The following RNF17 variants were observed in gnomAD, a reference collection of about 807,000 sequenced individuals.
The protein encoded by RNF17 is spermatogenesis associated 23.
A neutral mutation model predicts 200.5 loss-of-function variants in RNF17; 31 were observed. The observed-to-expected ratio is 0.15, with a 90% confidence interval of 0.12 to 0.21. The LOEUF is 0.21. Ranked by LOEUF, RNF17 falls within the 10% of genes least tolerant of loss-of-function variation. RNF17 has a pLI of 1.00. For synonymous variants in RNF17, 606 were observed against 637.8 expected (o/e 0.95, Z 0.75); for missense variants, 1,628 against 1,905.1 (o/e 0.85, Z 2.71).
At chr13:24,790,153 A>T (rs1344677740) in intron 9 of RNF17, among the ~76,000 whole-genome samples, 1 of 152,170 alleles carries the variant, frequency 6.6e-6, no homozygotes, top group Non-Finnish European at 1.5e-5. Context: ...CAAGGGAATG[A>T]TCAGTTCTTA....
At chr13:24,861,010 C>T (rs1018155923) in intron 26 of RNF17, among the ~76,000 whole-genome samples, 6 of 151,832 alleles carry the variant, frequency 4.0e-5, no homozygotes, top group Admixed American at 3.9e-4. Context: ...CCTGAGTAGC[C>T]GGGACTACAG....
chr13:24,759,034 C>T, the RNF17 span, among the ~76,000 whole-genome samples: 3 of 134,442 alleles, frequency 2.2e-5, no homozygotes, highest in Admixed American at 9.0e-5. Flanking sequence ...GAACTGAGAT[C>T]GTGCCACTGC....
chr13:24,831,824 T>A (rs533992770), intron 17 of RNF17, 34 bp from the exon 18 acceptor site: 2 of 1,574,620 alleles, frequency 1.3e-6, no homozygotes, highest in South Asian at 2.4e-5. Flanking sequence ...GAAATTAAAT[T>A]TTTTTCTTAA....
intron 15 of RNF17, among the ~76,000 whole-genome samples, chr13:24,807,516 T>G (rs1182962831): frequency 1.3e-5 from 2 of 152,208 alleles, no homozygotes; most frequent in Admixed American, 6.6e-5. Context: ...TGTAAATTTG[T>G]TTGAGTTCAT....
rs772685904 is a variant in RNF17 at position 24,764,180 on chromosome 13, T to C, written c.-24T>C. 1 of 1,567,860 alleles carries C rather than the reference T, an allele frequency of 6.4e-7. No individual in the cohort carries two copies. The highest frequency in any genetic ancestry group is 8.7e-7 in the Non-Finnish European group (1 of 1,146,536). ...GGCCGCCGGGACTCGCACTCGGCGG[T>C]TGTTCCAGAAGAAAGAGACAGCGAT... On this transcript the variant is annotated 5_prime_UTR_variant, in exon 1 of 36. Coordinates refer to ENST00000255324, the MANE Select transcript of RNF17 (RefSeq NM_031277.3).
intron 19 of RNF17, 135 bp from the exon 20 acceptor site, chr13:24,843,609 T>C: frequency 1.5e-6 from 1 of 651,684 alleles, no homozygotes; most frequent in Non-Finnish European, 2.7e-6. Flanking sequence ...AAAAGTCACC[T>C]GTTTTAGGTC....
chr13:24,879,107 C>G, intron 34 of RNF17, 80 bp from the exon 35 acceptor site: 1 of 1,012,512 alleles, frequency 9.9e-7, no homozygotes, highest in Non-Finnish European at 1.5e-6. Context: ...TTTTCACACC[C>G]GTGTGAATGG....
At chr13:24,825,538 A>G (rs1888536022) in intron 15 of RNF17, 81 bp from the exon 16 acceptor site, 1 of 883,770 alleles carries the variant, frequency 1.1e-6, no homozygotes, top group African/African-American at 1.7e-5. Flanking sequence ...TCATAATTTC[A>G]ATGACAGTGC....
intron 15 of RNF17, among the ~76,000 whole-genome samples, chr13:24,822,220 T>C (rs898311444): frequency 1.3e-5 from 2 of 152,118 alleles, no homozygotes; most frequent in Non-Finnish European, 2.9e-5. Context: ...ACTGTACATG[T>C]GGCTGGCAAG....
chr13:24,885,410 C>G, the RNF17 span: 69 of 1,502,578 alleles, frequency 4.6e-5, no homozygotes, highest in South Asian at 7.6e-4. Context: ...ACATTTCAAG[C>G]AGCTAAAACC....
intron 1 of RNF17, among the ~76,000 whole-genome samples, chr13:24,764,926 G>T (rs2137856939): frequency 7.2e-6 from 1 of 138,046 alleles, no homozygotes; most frequent in South Asian, 2.3e-4. Context: ...TGTGTGTGTT[G>T]GTCTTTATAC....
chr13:24,790,251 A>C (rs756275332), intron 9 of RNF17, among the ~76,000 whole-genome samples: 2 of 152,146 alleles, frequency 1.3e-5, no homozygotes, highest in African/African-American at 4.8e-5. Flanking sequence ...AAAAGGAAGT[A>C]TGCATCTTAT....
Position 24,825,704 on chromosome 13 carries a change from G to A in RNF17, c.2177G>A (p.Cys726Tyr). The part of the protein sequence containing the change: ...SEDGENLEIL[C>Y]PVQDQACVAK... ...GATGGAGAAAATCTGGAAATCCTCT[G>A]TCCAGTTCAAGATCAAGCCTGTGTA... The change falls in exon 16 of 36, where the codon TGT becomes TAT. Residue 726 changes from cysteine (C) to tyrosine (Y), a missense_variant. By Grantham distance (194) the Cys-to-Tyr change is radical. Transcript: ENST00000255324. The A allele has an allele frequency of 1.2e-6, 2 of 1,613,434 alleles. No individual in the cohort carries two copies. Among genetic ancestry groups the A allele is most frequent in the Non-Finnish European group, 1.7e-6 (2 of 1,179,518 alleles).
chr13:24,880,143 T>TA (rs1953768282), downstream of RNF17, among the ~76,000 whole-genome samples: 1 of 140,480 alleles, frequency 7.1e-6, no homozygotes. Flanking sequence ...GAAAGAGGTT[T>TA]AATTGACTCA....
At chr13:24,846,131 T>C (rs1891235959) in intron 22 of RNF17, among the ~76,000 whole-genome samples, 1 of 152,224 alleles carries the variant, frequency 6.6e-6, no homozygotes. Context: ...TTTGTTCTAA[T>C]TGGTTTTGAA....
intron 6 of RNF17, among the ~76,000 whole-genome samples, chr13:24,782,672 A>C (rs1302375323): frequency 6.6e-6 from 1 of 151,974 alleles, no homozygotes; most frequent in Non-Finnish European, 1.5e-5. Context: ...CTCCATCTGT[A>C]CAAAACAAAA....
chr13:24,817,994 T>C (rs28789148), intron 15 of RNF17, among the ~76,000 whole-genome samples: 2 of 152,170 alleles, frequency 1.3e-5, no homozygotes, highest in East Asian at 3.8e-4. Context: ...GTTAGGTTCT[T>C]AATTTGCAAT....
At position 24,843,821 on chromosome 13, in the gene RNF17, T is replaced by C; in HGVS notation, c.2681T>C (p.Val894Ala). 1 of 1,610,578 alleles carries C rather than the reference T, an allele frequency of 6.2e-7. No individual in the cohort carries two copies. The highest frequency in any genetic ancestry group is 8.5e-7 in the Non-Finnish European group (1 of 1,177,602). ...PSPEEIISNE[V>A]HNLNPVSAKS... ...CCAGAAGAAATTATTTCAAATGAAG[T>C]ACACAACTTAAATCCTGTGTCTGCA... The change falls in exon 20 of 36, where the codon GTA (valine) becomes GCA (alanine). Residue 894 changes from valine to alanine, a missense_variant. Val to Ala is a moderately conservative substitution (Grantham distance 64). Transcript: ENST00000255324.
In RNF17 at chr13:24,844,812, A is replaced by G. The variant is rs1480915914; in HGVS notation, c.2982+10A>G. The G allele has an allele frequency of 6.2e-7, 1 of 1,607,222 alleles. No homozygotes were observed. The highest frequency in any genetic ancestry group is 8.5e-7 in the Non-Finnish European group (1 of 1,177,604). Reference sequence around the variant, plus strand: ...AGACACATTGGTAGAGGTAAATTACAGAGTTAAAAGTGTAATTGTGAAGGT... The same window carrying G: ...AGACACATTGGTAGAGGTAAATTACGGAGTTAAAAGTGTAATTGTGAAGGT... On this transcript the variant is annotated intron_variant, in intron 21 of 35. Coordinates refer to ENST00000255324, the MANE Select transcript of RNF17 (RefSeq NM_031277.3).
Sources: gnomAD v4.1 joint callset for allele counts (sites outside exome capture counted in the v4.1 genomes callset) on GRCh38, gnomAD v4.1.1 for gene constraint, MANE v1.5 for transcripts, NCBI Gene and HGNC (gene_info 2026-07-23, HGNC 2026-07-21) for gene names.